Variants in GREB1 observed in about 807,000 individuals in gnomAD.
The protein encoded by GREB1 is growth regulating estrogen receptor binding 1, also known as protein GREB1.
In GREB1, 106 loss-of-function variants were observed where a neutral mutation model predicts 200.7. That is an observed-to-expected ratio of 0.53 (90% CI 0.45 to 0.62). The LOEUF is 0.62. GREB1 is among the 20% of genes least tolerant of loss of function. The pLI is 0.00. For missense variants in GREB1, 2,243 were observed against 2,556.8 expected, an observed-to-expected ratio of 0.88 and a Z score of 2.65; for synonymous variants, 1,132 against 1,092.4, an observed-to-expected ratio of 1.04 and a Z score of -0.72.
intron 1 of GREB1, among the ~76,000 whole-genome samples, chr2:11,483,345 A>G (rs776529024): frequency 6.8e-6 from 1 of 146,928 alleles, no homozygotes; most frequent in Non-Finnish European, 1.5e-5. Flanking sequence ...TGTGTGTGAG[A>G]GAGAGAGAGC....
chr2:11,624,870 G>A (rs778126366), intron 23 of GREB1, among the ~76,000 whole-genome samples: 5 of 151,948 alleles, frequency 3.3e-5, no homozygotes, highest in African/African-American at 1.2e-4. Context: ...TATTTTATGT[G>A]TGGCCCAAGA....
rs1572559217 is a variant in GREB1 at position 11,503,809 on chromosome 2, A to G, written c.-159+21428A>G. On this transcript the variant is annotated intron_variant, in intron 1 of 2. Transcript: ENST00000628795. The stretch of plus-strand genomic sequence containing the variant: ...AACCTTCCTGTTTATTGCATATTAC[A>G]TATTCTGACTTTAACAGGTTTTCCA... Among the ~76,000 whole-genome samples the G allele has an allele frequency of 2.6e-5, 4 of 152,004 alleles. 1 individual carries two copies. Among genetic ancestry groups the G allele is most frequent in the Admixed American group, 2.6e-4 (4 of 15,220 alleles).
At chr2:11,588,696 C>T (rs201310395) in intron 9 of GREB1, 50 bp from the exon 10 acceptor site, 245 of 1,538,276 alleles carry the variant, frequency 1.6e-4, no homozygotes, top group Middle Eastern at 1.7e-4. Context: ...TGTATGGGAC[C>T]GTAAGCTGTG....
At chr2:11,625,339 C>T (rs1206095578) in intron 24 of GREB1, 27 bp downstream of exon 24, 6 of 1,608,326 alleles carry the variant, frequency 3.7e-6, no homozygotes, top group East Asian at 4.5e-5. Flanking sequence ...CTCGTTTCAC[C>T]TTCCAGAGTG....
Position 11,630,125 on chromosome 2 carries a change from C to CAAGGTA in GREB1, c.4611+16_4611+17insAAGGTA. ...GACAGACAAGGTACTGGCTCAGAGACCTAGTGGGACAGATCCAAGTGGCTT... is the reference window on the plus strand; with the variant it reads ...GACAGACAAGGTACTGGCTCAGAGACAAGGTACTAGTGGGACAGATCCAAGTGGCTT... On this transcript the variant is annotated intron_variant, in intron 26 of 32. Coordinates refer to ENST00000381486, the MANE Select transcript of GREB1 (RefSeq NM_014668.4). The CAAGGTA allele has an allele frequency of 6.2e-7, 1 of 1,613,454 alleles. No individual in the cohort carries two copies. The highest frequency in any genetic ancestry group is 2.2e-5 in the East Asian group (1 of 44,880).
intron 16 of GREB1, among the ~76,000 whole-genome samples, chr2:11,602,072 A>G (rs551918756): frequency 6.6e-6 from 1 of 152,362 alleles, no homozygotes; most frequent in South Asian, 2.1e-4. Context: ...GCCCATTCCT[A>G]AAACCAGCTT....
chr2:11,607,589 T>G (rs375697685), intron 17 of GREB1, among the ~76,000 whole-genome samples: 3 of 8,272 alleles, frequency 3.6e-4, no homozygotes, highest in East Asian at 7.7e-3. Flanking sequence ...TATATACATA[T>G]ATACATATAT....
chr2:11,640,567 T>C lies in GREB1; in HGVS notation c.*113T>C, dbSNP rs182581268. On this transcript the variant is annotated 3_prime_UTR_variant, in exon 33 of 33. Transcript: ENST00000381486. The surrounding 1 kb of genome is among the most constrained non-coding windows in gnomAD (Gnocchi z 4.6). ...TTTGACTGGAATGGACCCCAGGGAC[T>C]GTCCAGGTGCAGCCCCTCCTAGTAC... is the stretch of plus-strand genomic sequence containing the variant. 6.0e-4 allele frequency: 749 copies of C among 1,251,186 alleles called. 1 individual carries two copies. Among genetic ancestry groups the C allele is most frequent in the Non-Finnish European group, 5.8e-4 (506 of 876,220 alleles). The allele number at this position is 1,251,186 out of a possible 1,614,324, so 77.5% of individuals were successfully genotyped here.
At chr2:11,538,130 G>A (rs1251875894) in intron 1 of GREB1, among the ~76,000 whole-genome samples, 3 of 152,198 alleles carry the variant, frequency 2.0e-5, no homozygotes, top group Non-Finnish European at 4.4e-5. Context: ...CTTCAGAGCT[G>A]CAGATGCTCG....
In GREB1 at chr2:11,587,694, AACACACACACACAC is replaced by A. The variant is rs377181735; in HGVS notation, c.1160-1017_1160-1004del. ...AAATGGAGTACCTGGAGTACAAGAT[AACACACACACACAC>A]ACACACACACACACACACACACACA... On this transcript the variant is annotated intron_variant, in intron 9 of 32. Coordinates refer to ENST00000381486, the MANE Select transcript of GREB1 (RefSeq NM_014668.4). 1.5e-3 allele frequency: 1,087 copies of A among 707,104 alleles called. 8 individuals carry two copies. The highest frequency in any genetic ancestry group is 2.1e-3 in the Middle Eastern group (3 of 1,410). The allele number at this position is 707,104 out of a possible 1,614,324, so 43.8% of individuals were successfully genotyped here. A position where few individuals can be genotyped will look rare whatever the true frequency, so the allele number is the denominator to read the frequency against.
rs1258275777 is a variant in GREB1, at chr2:11,578,354, T to C, written c.695T>C (p.Leu232Pro). 17 of 1,614,002 alleles carry C rather than the reference T, an allele frequency of 1.1e-5. No individual in the cohort carries two copies. The highest frequency in any genetic ancestry group is 1.4e-5 in the Non-Finnish European group (17 of 1,180,022). ...STCSSSLFPA[L>P]ESTAAFPSEP... is the part of the protein sequence containing the mutation. ...TGTTCCAGTTCCCTCTTCCCAGCCC[T>C]GGAGAGCACGGCTGCCTTCCCCAGC... The change falls in exon 6 of 33, where the codon CTG (leucine) becomes CCG (proline). Residue 232 changes from leucine to proline, a missense_variant. Leu to Pro is a moderately conservative substitution (Grantham distance 98, BLOSUM62 -3). Around this residue, in one of 3 missense-constraint regions of GREB1, gnomAD observed 1,178 missense variants for 1,387.4 expected, o/e 0.85. Coordinates refer to ENST00000381486, the MANE Select transcript of GREB1 (RefSeq NM_014668.4).
upstream of GREB1, among the ~76,000 whole-genome samples, chr2:11,531,508 A>G (rs1279634925): frequency 6.6e-6 from 1 of 152,108 alleles, no homozygotes; most frequent in Non-Finnish European, 1.5e-5. Flanking sequence ...ATTAGAAACA[A>G]GAAAAAAAAA....
intron 2 of GREB1, among the ~76,000 whole-genome samples, chr2:11,558,629 G>C (rs1676674243): frequency 6.6e-6 from 1 of 152,208 alleles, no homozygotes; most frequent in African/African-American, 2.4e-5. Context: ...GGTGGGAAGA[G>C]ACAGACTCTT....
chr2:11,587,167 CGCT>C (rs991623008), intron 9 of GREB1, among the ~76,000 whole-genome samples: 21 of 152,164 alleles, frequency 1.4e-4, no homozygotes, highest in African/African-American at 5.1e-4. Flanking sequence ...CTGCACCCCT[CGCT>C]GTAAAGCCCT....
intron 7 of GREB1, chr2:11,581,213 CTT>C (rs1679443976): frequency 3.5e-6 from 2 of 565,118 alleles, no homozygotes; most frequent in Admixed American, 6.7e-5. Context: ...ACCGCTGTCT[CTT>C]GTTAGTCAGG....
chr2:11,524,562 G>A (rs1388380028), intron 1 of GREB1, among the ~76,000 whole-genome samples: 1 of 152,230 alleles, frequency 6.6e-6, no homozygotes, highest in Non-Finnish European at 1.5e-5. Context: ...TTCCCTTGCA[G>A]TACCACGTCC....
chr2:11,623,235 A>G (rs1035023378), intron 23 of GREB1, among the ~76,000 whole-genome samples: 5 of 152,220 alleles, frequency 3.3e-5, no homozygotes, highest in African/African-American at 9.6e-5. Flanking sequence ...TCGGGTGTAA[A>G]TTAACCTGCA....
At chr2:11,630,957 A>T (rs901269319) in intron 26 of GREB1, among the ~76,000 whole-genome samples, 6 of 152,164 alleles carry the variant, frequency 3.9e-5, no homozygotes, top group Admixed American at 1.3e-4. Context: ...CTGGCCTTTC[A>T]GATCTGGCAG....
chr2:11,609,224 T>C lies in GREB1; in HGVS notation c.2667-1464T>C, dbSNP rs116442001. 9.5e-3 allele frequency among the ~76,000 whole-genome samples: 1,445 copies of C among 151,496 alleles called. 15 individuals carry two copies. Among genetic ancestry groups the C allele is most frequent in the African/African-American group, 0.033 (1,361 of 41,380 alleles). On this transcript the variant is annotated intron_variant, in intron 17 of 32. Transcript: ENST00000381486. ...TTTTCCCTACTGCACTTTCTTTCTT[T>C]CTTCCTGGGCATTATTATTTTATTT...
Sources: allele counts gnomAD v4.1 joint callset (sites outside exome capture counted in the v4.1 genomes callset), GRCh38; gene constraint gnomAD v4.1.1; regional missense constraint gnomAD v4.1.1; non-coding constraint Gnocchi (gnomAD v3.1); transcripts MANE v1.5; gene names NCBI Gene and HGNC (gene_info 2026-07-23, HGNC 2026-07-21).